Variants in NMT1 observed in about 807,000 individuals in gnomAD.
NMT1 encodes glycylpeptide N-tetradecanoyltransferase 1.
In NMT1, 12 loss-of-function variants were observed where a neutral mutation model predicts 63.4. That is an observed-to-expected ratio of 0.19 (90% CI 0.12 to 0.31). The LOEUF (loss-of-function observed/expected upper bound fraction) is 0.31, where lower values mean the gene tolerates loss of function less well. Among genes scored for constraint, NMT1 ranks in the 10% least tolerant of loss-of-function variants. NMT1 has a pLI of 1.00. For missense variants in NMT1, 432 were observed against 634.6 expected (o/e 0.68, Z 3.43); for synonymous variants, 228 against 234.3 (o/e 0.97, Z 0.25).
At chr17:45,082,706 A>G (rs537146721) in intron 2 of NMT1, among the ~76,000 whole-genome samples, 48 of 152,214 alleles carry the variant, frequency 3.2e-4, no homozygotes, top group Non-Finnish European at 5.4e-4. Flanking sequence ...AAACATATTC[A>G]TAATTCACCT....
chr17:45,065,246 G>T (rs190647740), intron 1 of NMT1, among the ~76,000 whole-genome samples: 1 of 152,058 alleles, frequency 6.6e-6, no homozygotes, highest in Non-Finnish European at 1.5e-5. Context: ...CCCTCACCAA[G>T]TGAGAGGATG....
At chr17:45,076,746 G>A (rs1306869653) in intron 1 of NMT1, among the ~76,000 whole-genome samples, 1 of 149,700 alleles carries the variant, frequency 6.7e-6, no homozygotes, top group Non-Finnish European at 1.5e-5. Flanking sequence ...GTGAAACTCT[G>A]TCTCAAAAAA....
At chr17:45,098,884 A>C in intron 7 of NMT1, 1 of 297,712 alleles carries the variant, frequency 3.4e-6, no homozygotes, top group Non-Finnish European at 6.4e-6. Flanking sequence ...AAATGTCCTA[A>C]AGTTTTAAAT....
intron 1 of NMT1, among the ~76,000 whole-genome samples, chr17:45,077,054 T>C (rs1451672696): frequency 6.6e-6 from 1 of 152,210 alleles, no homozygotes; most frequent in African/African-American, 2.4e-5. Context: ...GGCAGGAAGG[T>C]AGTTTTTACA....
At chr17:45,063,289 T>C (rs1247702823) in intron 1 of NMT1, among the ~76,000 whole-genome samples, 1 of 152,176 alleles carries the variant, frequency 6.6e-6, no homozygotes, top group East Asian at 1.9e-4. Flanking sequence ...AAGACTGTTC[T>C]GTTGCTGTAA....
intron 1 of NMT1, among the ~76,000 whole-genome samples, chr17:45,078,484 C>CTGTA (rs1555605349): frequency 6.6e-6 from 1 of 151,736 alleles, no homozygotes; most frequent in Non-Finnish European, 1.5e-5. Context: ...CACTTTCTCC[C>CTGTA]TGTATATATA....
chr17:45,105,495 T>G lies in NMT1; in HGVS notation c.1471-124T>G. On this transcript the variant is annotated intron_variant, in intron 11 of 11. Transcript: ENST00000258960. The surrounding 1 kb of genome is among the most constrained non-coding windows in gnomAD (Gnocchi z 4.2). The stretch of plus-strand genomic sequence containing the variant: ...GAGTGTGGGGCCGGCTGGGTGTGAG[T>G]CTGCTCCCACAGCACAGGCGGTGGA... 9.7e-7 allele frequency: 1 copy of G among 1,026,688 alleles called. No individual in the cohort carries two copies. Among genetic ancestry groups the G allele is most frequent in the Non-Finnish European group, 1.5e-6 (1 of 662,546 alleles). The allele number at this position is 1,026,688 out of a possible 1,614,324, so 63.6% of individuals were successfully genotyped here. A position where few individuals can be genotyped will look rare whatever the true frequency, so the allele number is the denominator to read the frequency against.
At chr17:45,079,693 A>ATTTATTTATTTATT (rs1431734361) in intron 1 of NMT1, among the ~76,000 whole-genome samples, 1 of 152,176 alleles carries the variant, frequency 6.6e-6, no homozygotes, top group African/African-American at 2.4e-5. Flanking sequence ...TGTTTCTTTT[A>ATTTATTTATTTATT]TTTATTTATT....
chr17:45,081,454 C>T lies in NMT1; in HGVS notation c.132-190C>T, dbSNP rs563622880. On this transcript the variant is annotated intron_variant, in intron 1 of 11. Coordinates refer to ENST00000258960, the MANE Select transcript of NMT1 (RefSeq NM_021079.5). ...TGCCCAGCACTCCCTCCCTGAAAGC[C>T]GAGGGGGCGCGAGTCAGGAGGAGTG... 2.0e-3 allele frequency among the ~76,000 whole-genome samples: 312 copies of T among 152,280 alleles called. 2 individuals carry two copies. The highest frequency in any genetic ancestry group is 3.7e-3 in the Non-Finnish European group (252 of 68,022).
chr17:45,103,905 G>A lies in NMT1; in HGVS notation c.1332+29G>A. 3 of 1,611,414 alleles carry A rather than the reference G, an allele frequency of 1.9e-6. No individual in the cohort carries two copies. The highest frequency in any genetic ancestry group is 2.5e-6 in the Non-Finnish European group (3 of 1,179,970). ...AGGAGCAGACGGGGGGGTCTCTGGA[G>A]ATGTGCAGGGAAGAGGCAGTGGAGC... On this transcript the variant is annotated intron_variant, in intron 10 of 11. Coordinates refer to ENST00000258960, the MANE Select transcript of NMT1 (RefSeq NM_021079.5). This position sits in a 1 kb window ranked among gnomAD's most constrained non-coding sequence, Gnocchi z 4.8.
At chr17:45,097,688 G>A (rs921205187) in intron 6 of NMT1, among the ~76,000 whole-genome samples, 1 of 152,006 alleles carries the variant, frequency 6.6e-6, no homozygotes, top group Non-Finnish European at 1.5e-5. Flanking sequence ...TCTGTTGCCC[G>A]GGCTGGAGTG....
At chr17:45,097,447 G>A (rs1344748128) in intron 6 of NMT1, among the ~76,000 whole-genome samples, 1 of 152,076 alleles carries the variant, frequency 6.6e-6, no homozygotes, top group Non-Finnish European at 1.5e-5. Context: ...CCTTGTTTGT[G>A]GCCCAGGTTG....
chr17:45,103,171 A>AT lies in NMT1; in HGVS notation c.1164+50_1164+51insT. Reference sequence around the variant, plus strand: ...GTCTCTAACACGTTCCCAGAGAGGCACCCCCCTGAGTGGCCGGGTTCCCAG... The same window carrying AT: ...GTCTCTAACACGTTCCCAGAGAGGCATCCCCCCTGAGTGGCCGGGTTCCCAG... On this transcript the variant is annotated intron_variant, in intron 9 of 11. Coordinates refer to ENST00000258960, the MANE Select transcript of NMT1 (RefSeq NM_021079.5). The surrounding 1 kb of genome is among the most constrained non-coding windows in gnomAD (Gnocchi z 4.8). The AT allele has an allele frequency of 6.4e-7, 1 of 1,558,906 alleles. No individual in the cohort carries two copies. Among genetic ancestry groups the AT allele is most frequent in the Non-Finnish European group, 8.8e-7 (1 of 1,141,130 alleles).
Position 45,097,173 on chromosome 17 carries a change from T to G in NMT1, c.642T>G (p.Val214=). 6.2e-7 allele frequency: 1 copy of G among 1,614,204 alleles called. No individual in the cohort carries two copies. The highest frequency in any genetic ancestry group is 8.5e-7 in the Non-Finnish European group (1 of 1,180,042). ...GGCTCCCCCAGTGGCACTGTGGGGTTCGAGTGGTCTCAAGTCGGAAATTGG... is the reference window on the plus strand; with the variant it reads ...GGCTCCCCCAGTGGCACTGTGGGGTGCGAGTGGTCTCAAGTCGGAAATTGG... ...PGWLPQWHCG[V]RVVSSRKLVG... is the part of the protein sequence containing the mutation. The change falls in exon 6 of 12, where the codon GTT becomes GTG. Residue 214 remains valine (V), a synonymous_variant. Transcript: ENST00000258960.
rs1164554055 is a variant in NMT1, at chr17:45,090,260, G to C, written c.386-3425G>C. Among the ~76,000 whole-genome samples the C allele has an allele frequency of 3.3e-5, 5 of 152,080 alleles. No individual in the cohort carries two copies. The East Asian group carries it at 9.7e-4, about 30-fold the overall frequency. ...GATCGTGCCACTGCACTCTAGCCTGGGTGACAAAGCGAGTCCCTGTCTCAA... is the reference window on the plus strand; with the variant it reads ...GATCGTGCCACTGCACTCTAGCCTGCGTGACAAAGCGAGTCCCTGTCTCAA... On this transcript the variant is annotated intron_variant, in intron 3 of 11. Transcript: ENST00000258960.
chr17:45,099,635 C>T, intron 8 of NMT1, 122 bp downstream of exon 8: 2 of 679,336 alleles, frequency 2.9e-6, no homozygotes, highest in Non-Finnish European at 5.3e-6. Context: ...AGCGAACCAG[C>T]CCATAGTCTT....
intron 6 of NMT1, 32 bp downstream of exon 6, chr17:45,097,276 A>C: frequency 2.1e-6 from 3 of 1,462,494 alleles, no homozygotes; most frequent in Non-Finnish European, 2.9e-6. Context: ...CACCCCCCAC[A>C]ACACCGCCAT....
Position 45,061,341 on chromosome 17 carries a change from G to C in NMT1, c.12G>C (p.Glu4Asp). 1.2e-6 allele frequency: 2 copies of C among 1,613,904 alleles called. No homozygotes were observed. The highest frequency in any genetic ancestry group is 1.1e-5 in the South Asian group (1 of 91,044). Residue 4 changes from glutamate (E) to aspartate (D), a missense_variant, in exon 1 of 12, where the codon GAG (glutamate) becomes GAC (aspartate). By Grantham distance (45) the Glu-to-Asp change is conservative. Transcript: ENST00000258960. ...TCTCGCAACTCAAGATGGCGGACGA[G>C]AGTGAGACAGCAGTGAAGCCGCCGG... The part of the protein sequence containing the change: MAD[E>D]SETAVKPPAP...
intron 1 of NMT1, among the ~76,000 whole-genome samples, chr17:45,078,227 C>G (rs538979232): frequency 1.1e-4 from 16 of 152,246 alleles, no homozygotes; most frequent in African/African-American, 3.9e-4. Flanking sequence ...CGCTGTTACT[C>G]TAGGATTTCA....
Sources: gnomAD v4.1 joint callset for allele counts (sites outside exome capture counted in the v4.1 genomes callset) on GRCh38, gnomAD v4.1.1 for gene constraint, Gnocchi (gnomAD v3.1) non-coding constraint, MANE v1.5 for transcripts, NCBI Gene and HGNC (gene_info 2026-07-23, HGNC 2026-07-21) for gene names.